GALK2: variants seen among roughly 807,000 people sequenced by gnomAD.
GALK2 encodes the protein N-acetylgalactosamine kinase.
Under a neutral mutation model 52.4 loss-of-function variants are expected in GALK2, and 36 were observed. The ratio of observed to expected loss-of-function variants is 0.69; its 90% CI spans 0.53 to 0.91. GALK2 has a LOEUF of 0.91. GALK2 is among the 40% of genes least tolerant of loss of function. GALK2 has a pLI of 0.00. For synonymous variants in GALK2, 176 were observed against 199.1 expected (o/e 0.88, Z 0.98); for missense variants, 579 against 559.1 (o/e 1.04, Z -0.36).
rs546788564 is a variant in GALK2 at position 49,290,197 on chromosome 15, C to T, written c.757-2130C>T. On this transcript the variant is annotated intron_variant, in intron 7 of 9. Transcript: ENST00000560031. ...GGTGATCTTATCCACCCATTTCCTT[C>T]ATCTGAAAGTCATCTTTCTGTTTTT... Among the ~76,000 whole-genome samples, 32 of 152,324 alleles carry T rather than the reference C, an allele frequency of 2.1e-4. No homozygotes were observed. The South Asian group carries it at 6.2e-3, about 30-fold the overall frequency.
intron 5 of GALK2, among the ~76,000 whole-genome samples, chr15:49,269,529 CCT>C (rs766812490): frequency 2.6e-5 from 4 of 152,274 alleles, no homozygotes; most frequent in Non-Finnish European, 5.9e-5. Flanking sequence ...GGAATTTAAC[CCT>C]TTTGTTTCAG....
At position 49,329,388 on chromosome 15, in the gene GALK2, A is replaced by G; in HGVS notation, c.*1229A>G. 2 of 985,308 alleles carry G rather than the reference A, an allele frequency of 2.0e-6. No individual in the cohort carries two copies. The highest frequency in any genetic ancestry group is 2.4e-6 in the Non-Finnish European group (2 of 829,836). 61.0% of individuals were successfully genotyped at this position (985,308 alleles called of 1,614,324 possible). On this transcript the variant is annotated 3_prime_UTR_variant, in exon 10 of 10. Transcript: ENST00000560031. ...AAATACTCAGGTAATTGAGATAGCA[A>G]TGGTTTTATGGCATGAATTATCCAA...
At chr15:49,192,493 A>ATG (rs1432316678) in intron 1 of GALK2, among the ~76,000 whole-genome samples, 486 of 28,198 alleles carry the variant, frequency 0.017, 9 homozygotes, top group Middle Eastern at 0.059. Flanking sequence ...ATGTATATAT[A>ATG]TATATATATA....
chr15:49,224,403 T>C (rs571664855), intron 3 of GALK2, among the ~76,000 whole-genome samples: 109 of 152,294 alleles, frequency 7.2e-4, no homozygotes, highest in African/African-American at 2.3e-3. Context: ...AGCCATAAAA[T>C]CTTGGCCAAA....
In GALK2 at chr15:49,331,546, C is replaced by T; in HGVS notation, c.*3387C>T. The T allele has an allele frequency of 2.2e-6, 1 of 458,808 alleles. No homozygotes were observed. The highest frequency in any genetic ancestry group is 3.9e-6 in the Non-Finnish European group (1 of 259,344). 28.4% of individuals were successfully genotyped at this position (458,808 alleles called of 1,614,324 possible). On this transcript the variant is annotated 3_prime_UTR_variant, in exon 10 of 10. Transcript: ENST00000560031. ...AACTGCATTTGGAGCTTTTCAGTTA[C>T]ATAAACTGTTCCTGGTCAGAAGCTG...
At chr15:49,352,794 A>G (rs2042439261) in intron 3 of GALK2, among the ~76,000 whole-genome samples, 1 of 152,030 alleles carries the variant, frequency 6.6e-6, no homozygotes, top group Non-Finnish European at 1.5e-5. Context: ...CCTCTACCCA[A>G]TCCCAAGCAG....
chr15:49,292,486 A>T lies in GALK2; in HGVS notation c.916A>T (p.Ile306Phe). 1 of 1,614,048 alleles carries T rather than the reference A, an allele frequency of 6.2e-7. No individual in the cohort carries two copies. Among genetic ancestry groups the T allele is most frequent in the Non-Finnish European group, 8.5e-7 (1 of 1,179,968 alleles). The change falls in exon 8 of 10, where the codon ATT (isoleucine) becomes TTT (phenylalanine). Residue 306 changes from isoleucine to phenylalanine, a missense_variant. Physicochemically the swap from Ile to Phe is conservative, Grantham distance 21. Coordinates refer to ENST00000560031, the MANE Select transcript of GALK2 (RefSeq NM_002044.4). ...NPEEICRCLG[I>F]SLEELRTQIL... ...TGAGGAGATCTGCAGGTGTCTGGGAATTAGCCTGGAGGAACTCCGAACCCA... is the reference window on the plus strand; with the variant it reads ...TGAGGAGATCTGCAGGTGTCTGGGATTTAGCCTGGAGGAACTCCGAACCCA...
At chr15:49,168,487 G>A (rs1055759345), upstream of GALK2, among the ~76,000 whole-genome samples, 1 of 152,192 alleles carries the variant, frequency 6.6e-6, no homozygotes, top group African/African-American at 2.4e-5. Flanking sequence ...GGAAGGCCGA[G>A]GTGGGCTGAT....
chr15:49,178,608 G>C, intron 1 of GALK2: 1 of 228,712 alleles, frequency 4.4e-6, no homozygotes, highest in South Asian at 6.5e-5. Flanking sequence ...ACTTTTTTGG[G>C]CTGGGTGGGA....
chr15:49,277,169 T>A, intron 5 of GALK2, among the ~76,000 whole-genome samples: 1 of 24,862 alleles, frequency 4.0e-5, no homozygotes, highest in African/African-American at 3.0e-4. Flanking sequence ...TTTTTTTTTT[T>A]TTTTTTTTTT....
intron 1 of GALK2, among the ~76,000 whole-genome samples, chr15:49,157,511 T>A (rs2084501078): frequency 6.6e-6 from 1 of 152,212 alleles, no homozygotes; most frequent in Admixed American, 6.5e-5. Flanking sequence ...TGGGAATTTC[T>A]GCTTTGACAA....
Position 49,155,861 on chromosome 15 carries a change from G to C in GALK2, c.-136G>C, listed in dbSNP as rs534747533. 19 of 972,496 alleles carry C rather than the reference G, an allele frequency of 2.0e-5. No homozygotes were observed. The East Asian group carries it at 4.3e-4, about 22-fold the overall frequency. The allele number at this position is 972,496 out of a possible 1,614,324, so 60.2% of individuals were successfully genotyped here. A position where few individuals can be genotyped will look rare whatever the true frequency, so the allele number is the denominator to read the frequency against. ...TCAGCCGAAGGGCGTCGGAAACTGC[G>C]CTCGCATCGAGCAGTTTCCAGCCTC... On this transcript the variant is annotated 5_prime_UTR_variant, in exon 1 of 10. Coordinates refer to the GALK2 transcript ENST00000327171.
chr15:49,256,886 C>G (rs2141597060), intron 5 of GALK2, among the ~76,000 whole-genome samples: 1 of 152,218 alleles, frequency 6.6e-6, no homozygotes, highest in South Asian at 2.1e-4. Context: ...AGTATGGTGC[C>G]TAACTGAATT....
intron 5 of GALK2, among the ~76,000 whole-genome samples, chr15:49,267,525 T>C (rs1410922074): frequency 5.9e-5 from 9 of 152,214 alleles, no homozygotes. Flanking sequence ...TACCAATCCC[T>C]TCAATAATGG....
At chr15:49,361,892 A>G (rs1010667549) in intron 3 of GALK2, among the ~76,000 whole-genome samples, 3 of 151,992 alleles carry the variant, frequency 2.0e-5, no homozygotes, top group Admixed American at 6.6e-5. Flanking sequence ...TTTCTCTGCA[A>G]CCTCTCCAGA....
chr15:49,291,953 A>T (rs1432312198), intron 7 of GALK2, among the ~76,000 whole-genome samples: 2 of 152,162 alleles, frequency 1.3e-5, no homozygotes, highest in Non-Finnish European at 2.9e-5. Context: ...TTTTCTCTTG[A>T]CTTCCTAGGG....
chr15:49,332,913 TTC>T (rs1029971993), downstream of GALK2, among the ~76,000 whole-genome samples: 5 of 152,106 alleles, frequency 3.3e-5, no homozygotes, highest in African/African-American at 1.2e-4. Flanking sequence ...CCCTCACTCA[TTC>T]TCTCTCTGCT....
At chr15:49,273,614 A>C (rs1428552943) in intron 5 of GALK2, among the ~76,000 whole-genome samples, 1 of 150,636 alleles carries the variant, frequency 6.6e-6, no homozygotes, top group African/African-American at 2.4e-5. Flanking sequence ...TTCATCAGCC[A>C]TGTTTCAAAA....
chr15:49,331,674 A>G lies in GALK2; in HGVS notation c.*3515A>G, dbSNP rs2038783318. ...TAACAAGAATGTATCCTCTCCTGCCACTGTAATTTGGGTGTGCCACCATAC... is the reference window on the plus strand; with the variant it reads ...TAACAAGAATGTATCCTCTCCTGCCGCTGTAATTTGGGTGTGCCACCATAC... On this transcript the variant is annotated 3_prime_UTR_variant, in exon 10 of 10. Transcript: ENST00000560031. 1.1e-5 allele frequency: 8 copies of G among 705,720 alleles called. No individual in the cohort carries two copies. Among genetic ancestry groups the G allele is most frequent in the Non-Finnish European group, 2.1e-5 (8 of 390,122 alleles). The allele number at this position is 705,720 out of a possible 1,614,324, so 43.7% of individuals were successfully genotyped here. A position where few individuals can be genotyped will look rare whatever the true frequency, so the allele number is the denominator to read the frequency against.
Sources: gnomAD v4.1 joint callset for allele counts (sites outside exome capture counted in the v4.1 genomes callset) on GRCh38, gnomAD v4.1.1 for gene constraint, MANE v1.5 for transcripts, NCBI Gene and HGNC (gene_info 2026-07-23, HGNC 2026-07-21) for gene names.